The following DPYS variants were observed in gnomAD, a reference collection of about 807,000 sequenced individuals.
The protein encoded by DPYS is dihydropyrimidine amidohydrolase.
Under a neutral mutation model 50.3 loss-of-function variants are expected in DPYS, and 39 were observed. That is an observed-to-expected ratio of 0.78 (90% confidence interval 0.60 to 1.01). The LOEUF (loss-of-function observed/expected upper bound fraction) is 1.01, where lower values mean the gene tolerates loss of function less well. DPYS is among the 50% of genes least tolerant of loss of function. The pLI is 0.00. For synonymous variants in DPYS, 245 were observed against 250.7 expected (o/e 0.98, Z 0.22); for missense variants, 659 against 680.9 (o/e 0.97, Z 0.36).
intron 7 of DPYS, chr8:104,420,951 G>C (rs1456944254): frequency 6.6e-6 from 1 of 152,196 alleles, no homozygotes; most frequent in Non-Finnish European, 1.5e-5. Flanking sequence ...AGTTGACAAA[G>C]CATTTTCACA....
chr8:104,391,521 G>T lies in DPYS; in HGVS notation c.1443+1263C>A, dbSNP rs1057275665. 3.3e-5 allele frequency among the ~76,000 whole-genome samples: 5 copies of T among 152,158 alleles called. No homozygotes were observed. The East Asian group carries it at 9.6e-4, about 29-fold the overall frequency. The stretch of plus-strand genomic sequence containing the variant: ...CCCGGCCCCCATATCCAGAAATTTA[G>T]ATTTTTTAAATCTAAAATTCTCAAA... On this transcript the variant is annotated intron_variant, in intron 8 of 9. Transcript: ENST00000351513.
At chr8:104,453,758 T>C (rs1476320208) in intron 1 of DPYS, among the ~76,000 whole-genome samples, 2 of 152,230 alleles carry the variant, frequency 1.3e-5, no homozygotes, top group African/African-American at 4.8e-5. Context: ...CACAGCAGCA[T>C]GATCCATGGT....
intron 6 of DPYS, among the ~76,000 whole-genome samples, chr8:104,426,029 C>T (rs1454401749): frequency 6.6e-6 from 1 of 152,120 alleles, no homozygotes; most frequent in Non-Finnish European, 1.5e-5. Flanking sequence ...TAAAGATATT[C>T]ATTGTAAAAC....
intron 7 of DPYS, among the ~76,000 whole-genome samples, chr8:104,396,062 T>A (rs766740389): frequency 8.5e-5 from 13 of 152,292 alleles, no homozygotes; most frequent in Non-Finnish European, 1.9e-4. Flanking sequence ...TTATGATGAA[T>A]TATGGTGATG....
chr8:104,393,163 A>G (rs1219516771), intron 7 of DPYS, among the ~76,000 whole-genome samples, 172 bp from the exon 8 acceptor site: 2 of 152,248 alleles, frequency 1.3e-5, no homozygotes, highest in Non-Finnish European at 2.9e-5. Context: ...ACATTTCATT[A>G]CAAAGTAATT....
chr8:104,380,338 C>G (rs753467480), intron 9 of DPYS, among the ~76,000 whole-genome samples: 1 of 152,172 alleles, frequency 6.6e-6, no homozygotes, highest in Non-Finnish European at 1.5e-5. Flanking sequence ...TTAGGTCAAC[C>G]TCTGGGGTTA....
chr8:104,462,160 T>C (rs763682550), intron 1 of DPYS, among the ~76,000 whole-genome samples: 5 of 152,206 alleles, frequency 3.3e-5, no homozygotes, highest in South Asian at 4.1e-4. Flanking sequence ...AAAAAACTCT[T>C]TTTGAATTGC....
intron 2 of DPYS, 79 bp from the exon 3 acceptor site, chr8:104,447,582 A>G: frequency 1.3e-6 from 2 of 1,529,692 alleles, no homozygotes; most frequent in Non-Finnish European, 1.8e-6. Context: ...AAAACGTTGC[A>G]TTCGGAAGAG....
intron 4 of DPYS, among the ~76,000 whole-genome samples, chr8:104,440,294 C>CTTTTTTTTTTTTTTTTTTTTTTTTT (rs1564105066): frequency 6.6e-6 from 1 of 152,066 alleles, no homozygotes; most frequent in African/African-American, 2.4e-5. Context: ...AATTGGATCT[C>CTTTTTTTTTTTTTTTTTTTTTTTTT]CTTTGTGCCT....
chr8:104,399,287 T>G (rs1324321506), intron 7 of DPYS, among the ~76,000 whole-genome samples: 1 of 46,568 alleles, frequency 2.1e-5, no homozygotes, highest in Non-Finnish European at 4.1e-5. Context: ...TGAGACTCCA[T>G]CTCAAAAAAA....
At chr8:104,389,660 C>T (rs552311058) in intron 8 of DPYS, among the ~76,000 whole-genome samples, 2 of 152,184 alleles carry the variant, frequency 1.3e-5, no homozygotes, top group African/African-American at 4.8e-5. Context: ...CTTAATCCTA[C>T]TGAGACTCAG....
intron 7 of DPYS, among the ~76,000 whole-genome samples, chr8:104,406,654 T>C (rs1339856935): frequency 1.3e-5 from 2 of 152,190 alleles, no homozygotes; most frequent in Non-Finnish European, 2.9e-5. Context: ...TTCACCTCCA[T>C]CTTCCCTTCC....
At chr8:104,419,385 T>C (rs1812475806) in intron 7 of DPYS, 1 of 152,228 alleles carries the variant, frequency 6.6e-6, no homozygotes, top group Admixed American at 6.5e-5. Flanking sequence ...TGAACCGAAC[T>C]GGCCCACGTC....
chr8:104,439,648 G>C (rs574951924), intron 4 of DPYS, among the ~76,000 whole-genome samples: 1 of 152,222 alleles, frequency 6.6e-6, no homozygotes, highest in African/African-American at 2.4e-5. Context: ...GGCTGGGTGT[G>C]GTGGCTTACA....
At chr8:104,386,441 G>A (rs547043762) in intron 8 of DPYS, among the ~76,000 whole-genome samples, 160 of 151,672 alleles carry the variant, frequency 1.1e-3, no homozygotes, top group Non-Finnish European at 1.1e-3. Flanking sequence ...GCTGAGGCAG[G>A]AGAATTGCTT....
chr8:104,382,366 GCTCA>G (rs918479483), intron 8 of DPYS, among the ~76,000 whole-genome samples: 1 of 151,970 alleles, frequency 6.6e-6, no homozygotes, highest in African/African-American at 2.4e-5. Flanking sequence ...TTCCATTTTG[GCTCA>G]CTGTCTACTC....
chr8:104,427,937 C>G, intron 6 of DPYS, 43 bp downstream of exon 6: 1 of 1,613,058 alleles, frequency 6.2e-7, no homozygotes, highest in Non-Finnish European at 8.5e-7. Context: ...AGGATCCTGG[C>G]TGAAGAACTA....
At chr8:104,427,294 T>G (rs540712280) in intron 6 of DPYS, among the ~76,000 whole-genome samples, 22 of 151,900 alleles carry the variant, frequency 1.4e-4, no homozygotes, top group Middle Eastern at 3.4e-3. Flanking sequence ...TTTTTTTTTT[T>G]TGTGATGGAG....
intron 4 of DPYS, among the ~76,000 whole-genome samples, chr8:104,437,223 G>A (rs935251706): frequency 6.6e-6 from 1 of 152,152 alleles, no homozygotes; most frequent in Non-Finnish European, 1.5e-5. Flanking sequence ...TGAACATGCA[G>A]GTGAATTTTT....
Sources: allele counts gnomAD v4.1 joint callset (sites outside exome capture counted in the v4.1 genomes callset), GRCh38; gene constraint gnomAD v4.1.1; transcripts MANE v1.5; gene names NCBI Gene and HGNC (gene_info 2026-07-23, HGNC 2026-07-21).